UBTD2: variants seen among roughly 807,000 people sequenced by gnomAD.
The protein encoded by UBTD2 is ubiquitin domain containing 2, also known as ubiquitin domain-containing protein 2.
UBTD2 carries 9 observed loss-of-function variants against 19.8 expected under a neutral mutation model. The ratio of observed to expected loss-of-function variants is 0.46; its 90% CI spans 0.27 to 0.79. The LOEUF (loss-of-function observed/expected upper bound fraction) is 0.79. Among genes scored for constraint, UBTD2 ranks in the 30% least tolerant of loss-of-function variants. UBTD2 has a pLI of 0.14. For synonymous variants in UBTD2, 98 were observed against 103.9 expected, an observed-to-expected ratio of 0.94 and a Z score of 0.35; for missense variants, 250 against 300.4, an observed-to-expected ratio of 0.83 and a Z score of 1.24.
intron 1 of UBTD2, among the ~76,000 whole-genome samples, chr5:172,239,512 CCAGGTTCATGT>C (rs1463238151): frequency 6.6e-6 from 1 of 152,030 alleles, no homozygotes; most frequent in African/African-American, 2.4e-5. Flanking sequence ...CCTCTGCCTC[CCAGGTTCATGT>C]GATTCTCCTG....
At chr5:172,277,535 C>T (rs566844893) in intron 1 of UBTD2, among the ~76,000 whole-genome samples, 2 of 152,036 alleles carry the variant, frequency 1.3e-5, no homozygotes, top group South Asian at 2.1e-4. Flanking sequence ...AGAAAGACCC[C>T]GTCTCTACAA....
At chr5:172,255,890 A>T (rs552647710) in intron 1 of UBTD2, among the ~76,000 whole-genome samples, 2 of 152,300 alleles carry the variant, frequency 1.3e-5, no homozygotes, top group South Asian at 4.1e-4. Context: ...GGAGTTCGAG[A>T]CCAGCCTGGC....
intron 2 of UBTD2, among the ~76,000 whole-genome samples, chr5:172,221,484 A>G (rs1449468269): frequency 6.6e-6 from 1 of 152,234 alleles, no homozygotes; most frequent in Non-Finnish European, 1.5e-5. Flanking sequence ...CCTGGGTGAC[A>G]GAGTAAGACC....
intron 1 of UBTD2, among the ~76,000 whole-genome samples, chr5:172,237,377 C>A (rs1286270130): frequency 6.6e-6 from 1 of 152,196 alleles, no homozygotes; most frequent in Admixed American, 6.5e-5. Context: ...CAGGCATGAG[C>A]CACTGCGACA....
chr5:172,212,262 C>G, intron 2 of UBTD2, 35 bp from the exon 3 acceptor site: 1 of 1,543,598 alleles, frequency 6.5e-7, no homozygotes, highest in South Asian at 1.3e-5. Context: ...AGAACTTAAT[C>G]CTTAATGAAT....
At chr5:172,272,029 AT>A (rs1755501276) in intron 1 of UBTD2, among the ~76,000 whole-genome samples, 1 of 152,226 alleles carries the variant, frequency 6.6e-6, no homozygotes, top group Non-Finnish European at 1.5e-5. Context: ...ATTTAGAATG[AT>A]TTTCACATGT....
chr5:172,232,444 A>G (rs1021684986), intron 2 of UBTD2, among the ~76,000 whole-genome samples: 6 of 152,182 alleles, frequency 3.9e-5, no homozygotes, highest in Non-Finnish European at 8.8e-5. Context: ...TAGTAACAGA[A>G]GACTATGCTA....
At chr5:172,234,406 T>C in intron 1 of UBTD2, 48 bp from the exon 2 acceptor site, 1 of 1,505,426 alleles carries the variant, frequency 6.6e-7, no homozygotes, top group South Asian at 1.1e-5. Context: ...ATTTATAAAA[T>C]ATGTATCAAA....
At chr5:172,240,483 AT>A (rs1285707375) in intron 1 of UBTD2, among the ~76,000 whole-genome samples, 2 of 151,734 alleles carry the variant, frequency 1.3e-5, no homozygotes, top group Non-Finnish European at 2.9e-5. Context: ...AGGTAGCTTT[AT>A]TGGGGGGAAA....
intron 2 of UBTD2, among the ~76,000 whole-genome samples, chr5:172,226,399 C>T (rs1404778839): frequency 6.6e-6 from 1 of 151,082 alleles, no homozygotes; most frequent in Admixed American, 6.7e-5. Context: ...TCTGTTTCCT[C>T]AAGAATTATA....
chr5:172,245,940 CAG>C (rs1332943517), intron 1 of UBTD2, among the ~76,000 whole-genome samples: 5 of 152,274 alleles, frequency 3.3e-5, no homozygotes, highest in Non-Finnish European at 7.3e-5. Context: ...TATGAGGAAA[CAG>C]ATTCTCACAT....
chr5:172,220,833 CTTTG>C (rs1390593677), intron 2 of UBTD2, among the ~76,000 whole-genome samples: 2 of 152,096 alleles, frequency 1.3e-5, no homozygotes, highest in Admixed American at 1.3e-4. Flanking sequence ...ATAAAACTGC[CTTTG>C]TTTGCAGATG....
At chr5:172,232,977 C>T (rs1283789721) in intron 2 of UBTD2, among the ~76,000 whole-genome samples, 1 of 151,424 alleles carries the variant, frequency 6.6e-6, no homozygotes, top group East Asian at 1.9e-4. Flanking sequence ...CCTGTCTCTA[C>T]TAAAAATACA....
intron 1 of UBTD2, among the ~76,000 whole-genome samples, chr5:172,254,223 C>T (rs1755093363): frequency 6.6e-6 from 1 of 152,132 alleles, no homozygotes; most frequent in South Asian, 2.1e-4. Flanking sequence ...CCTCAGCCTC[C>T]CAAGTAGCTG....
chr5:172,276,072 G>C (rs1368556786), intron 1 of UBTD2, among the ~76,000 whole-genome samples: 1 of 152,010 alleles, frequency 6.6e-6, no homozygotes, highest in Non-Finnish European at 1.5e-5. Flanking sequence ...TGAGAATCTT[G>C]TGAAAATGCA....
chr5:172,283,842 C>A, upstream of UBTD2: 1 of 229,486 alleles, frequency 4.4e-6, no homozygotes, highest in South Asian at 1.4e-4. The surrounding 1 kb of genome is among the most constrained non-coding windows in gnomAD (Gnocchi z 4.3). Context: ...TGGCTCGGCC[C>A]CTTCCTCCGC....
chr5:172,281,452 T>G (rs1025152394), intron 1 of UBTD2, among the ~76,000 whole-genome samples: 1 of 152,130 alleles, frequency 6.6e-6, no homozygotes, highest in Non-Finnish European at 1.5e-5. Context: ...TGAGCTGTGA[T>G]CTGGCACTGC....
intron 1 of UBTD2, among the ~76,000 whole-genome samples, chr5:172,271,889 C>CA (rs146531889): frequency 0.02 from 3,016 of 151,434 alleles, 114 homozygotes; most frequent in African/African-American, 0.068. Flanking sequence ...ACAATAAATG[C>CA]AAAAAAAACT....
chr5:172,227,060 T>G (rs1771781507), intron 2 of UBTD2, among the ~76,000 whole-genome samples: 1 of 152,168 alleles, frequency 6.6e-6, no homozygotes, highest in Non-Finnish European at 1.5e-5. Context: ...TAGAAGCACC[T>G]GAACACAGTG....
Sources: allele counts gnomAD v4.1 joint callset (sites outside exome capture counted in the v4.1 genomes callset), GRCh38; gene constraint gnomAD v4.1.1; non-coding constraint Gnocchi (gnomAD v3.1); transcripts MANE v1.5; gene names NCBI Gene and HGNC (gene_info 2026-07-23, HGNC 2026-07-21).